Variants in RICTOR observed in about 807,000 individuals in gnomAD.
RICTOR encodes the protein RPTOR independent companion of MTOR complex 2.
A neutral mutation model predicts 214.9 loss-of-function variants in RICTOR; 49 were observed. The observed-to-expected ratio is 0.23, with a 90% confidence interval of 0.18 to 0.29. The LOEUF (loss-of-function observed/expected upper bound fraction) is 0.29, where lower values mean the gene tolerates loss of function less well. Among genes scored for constraint, RICTOR ranks in the 10% least tolerant of loss-of-function variants. RICTOR has a pLI of 1.00. For missense variants in RICTOR, 1,625 were observed against 2,047.0 expected (o/e 0.79, Z 3.98); for synonymous variants, 717 against 711.3 (o/e 1.01, Z -0.13).
chr5:38,939,425 A>G lies in RICTOR; in HGVS notation c.*2879T>C, dbSNP rs1261959336. 1 of 232,302 alleles carries G rather than the reference A, an allele frequency of 4.3e-6. No individual in the cohort carries two copies. The highest frequency in any genetic ancestry group is 2.2e-5 in the African/African-American group (1 of 45,328). 14.4% of individuals were successfully genotyped at this position (232,302 alleles called of 1,614,324 possible). ...TGTCCATATTCTACTAATCGTTATT[A>G]GAAAAAATTTAATTAGGGAGAACAG... On this transcript the variant is annotated 3_prime_UTR_variant, in exon 38 of 38. Coordinates refer to ENST00000357387, the MANE Select transcript of RICTOR (RefSeq NM_152756.5).
rs143428756 is a variant in RICTOR at position 38,980,346 on chromosome 5, A to C, written c.753+1521T>G. Among the ~76,000 whole-genome samples the C allele has an allele frequency of 1.6e-4, 25 of 152,222 alleles. No individual in the cohort carries two copies. In the East Asian group the frequency reaches 4.8e-3, roughly 29 times the overall value. ...TTTATAAAAGACTCCAAGTGATGTTATCTCCCACTAGAGATGGCTTATTCT... is the reference window on the plus strand; with the variant it reads ...TTTATAAAAGACTCCAAGTGATGTTCTCTCCCACTAGAGATGGCTTATTCT... On this transcript the variant is annotated intron_variant, in intron 8 of 37. Coordinates refer to ENST00000357387, the MANE Select transcript of RICTOR (RefSeq NM_152756.5).
At chr5:39,034,083 G>A (rs1016569785) in intron 2 of RICTOR, among the ~76,000 whole-genome samples, 2 of 152,156 alleles carry the variant, frequency 1.3e-5, no homozygotes, top group African/African-American at 2.4e-5. Flanking sequence ...AGTCCTTGCT[G>A]ACAGTTTATC....
intron 2 of RICTOR, chr5:39,022,519 G>C (rs1276948518): frequency 6.5e-6 from 1 of 153,692 alleles, no homozygotes; most frequent in East Asian, 1.9e-4. Context: ...ACCCATGAAG[G>C]GAGTTGGAAA....
intron 2 of RICTOR, among the ~76,000 whole-genome samples, chr5:39,063,424 G>A (rs556305017): frequency 2.0e-5 from 3 of 152,174 alleles, no homozygotes; most frequent in South Asian, 4.1e-4. Context: ...CCAGGAAAAC[G>A]TTCATTCAAA....
At chr5:39,044,604 C>G (rs1757368430) in intron 2 of RICTOR, among the ~76,000 whole-genome samples, 1 of 152,086 alleles carries the variant, frequency 6.6e-6, no homozygotes, top group East Asian at 1.9e-4. Context: ...TCCAAAAACC[C>G]TAACCAAACT....
At chr5:39,048,629 G>A (rs1757650200) in intron 2 of RICTOR, among the ~76,000 whole-genome samples, 1 of 152,078 alleles carries the variant, frequency 6.6e-6, no homozygotes, top group African/African-American at 2.4e-5. Flanking sequence ...TGCTTGTGCT[G>A]GTTTCCCCCA....
At chr5:39,008,850 T>C (rs1754274185) in intron 3 of RICTOR, among the ~76,000 whole-genome samples, 1 of 151,936 alleles carries the variant, frequency 6.6e-6, no homozygotes, top group African/African-American at 2.4e-5. Context: ...TGTGGTACCA[T>C]ACATGAGTAA....
At chr5:38,985,702 T>G (rs1325509231) in intron 7 of RICTOR, among the ~76,000 whole-genome samples, 1 of 151,782 alleles carries the variant, frequency 6.6e-6, no homozygotes, top group Non-Finnish European at 1.5e-5. Flanking sequence ...CAATTCTATT[T>G]TTTTTTTTTT....
rs1554057737 is a variant in RICTOR, at chr5:38,940,130, T to TA, written c.*2173dup. ...ACATACATATTTTTCAAAGTAACAG[T>TA]AAAAAAAAAAAACAAAAAAAAAAAC... On this transcript the variant is annotated 3_prime_UTR_variant, in exon 38 of 38. Coordinates refer to ENST00000357387, the MANE Select transcript of RICTOR (RefSeq NM_152756.5). 0.03 allele frequency: 2,477 copies of TA among 82,690 alleles called. 3 individuals carry two copies. The highest frequency in any genetic ancestry group is 0.035 in the Middle Eastern group (11 of 318). The allele number at this position is 82,690 out of a possible 1,614,324, so 5.1% of individuals were successfully genotyped here. A position where few individuals can be genotyped will look rare whatever the true frequency, so the allele number is the denominator to read the frequency against.
At chr5:39,002,698 C>T (rs373270252) in intron 4 of RICTOR, 32 bp from the exon 5 acceptor site, 3 of 1,575,268 alleles carry the variant, frequency 1.9e-6, no homozygotes, top group African/African-American at 1.4e-5. Context: ...ACAAGTTTTG[C>T]TGCACAGGTT....
At chr5:39,024,287 G>A (rs955838310) in intron 2 of RICTOR, among the ~76,000 whole-genome samples, 5 of 152,138 alleles carry the variant, frequency 3.3e-5, no homozygotes, top group African/African-American at 1.2e-4. Flanking sequence ...GAGACTTCTG[G>A]TTTAGCGTAT....
chr5:38,991,681 A>G (rs1304896494), intron 6 of RICTOR, among the ~76,000 whole-genome samples: 3 of 152,116 alleles, frequency 2.0e-5, no homozygotes, highest in African/African-American at 4.8e-5. Flanking sequence ...TCTATTTTTA[A>G]TATTTCAAAA....
intron 2 of RICTOR, among the ~76,000 whole-genome samples, chr5:39,072,043 G>A (rs1759363299): frequency 6.6e-6 from 1 of 152,082 alleles, no homozygotes; most frequent in Non-Finnish European, 1.5e-5. Context: ...TAAAACAATA[G>A]TATCACTATA....
At chr5:38,968,180 T>TATATACGATGGACC in intron 11 of RICTOR, 150 bp from the exon 12 acceptor site, 1 of 595,106 alleles carries the variant, frequency 1.7e-6, no homozygotes, top group South Asian at 2.1e-5. Flanking sequence ...TGATGGACCA[T>TATATACGATGGACC]ATATACGATG....
intron 7 of RICTOR, among the ~76,000 whole-genome samples, chr5:38,986,006 T>C (rs1234912209): frequency 6.6e-6 from 1 of 152,150 alleles, no homozygotes; most frequent in Non-Finnish European, 1.5e-5. Context: ...CTAGAGTTTA[T>C]TATTTTTAGG....
At chr5:38,967,771 T>C (rs934160946) in intron 12 of RICTOR, among the ~76,000 whole-genome samples, 172 bp downstream of exon 12, 7 of 152,182 alleles carry the variant, frequency 4.6e-5, no homozygotes, top group African/African-American at 1.7e-4. Flanking sequence ...GAAATTAAAA[T>C]TTCTCAGTCT....
At chr5:38,996,740 C>A in intron 6 of RICTOR, 79 bp downstream of exon 6, 1 of 835,704 alleles carries the variant, frequency 1.2e-6, no homozygotes, top group Non-Finnish European at 2.0e-6. Flanking sequence ...ATAAAGATTT[C>A]ACAAAAGTCT....
At chr5:38,966,947 TATGCCATCATGC>T in intron 14 of RICTOR, 1 of 607,288 alleles carries the variant, frequency 1.6e-6, no homozygotes, top group Non-Finnish European at 2.9e-6. Flanking sequence ...ACTACAGGGG[TATGCCATCATGC>T]ATGGCTAATT....
At chr5:38,990,592 T>G in intron 7 of RICTOR, among the ~76,000 whole-genome samples, 1 of 125,714 alleles carries the variant, frequency 8.0e-6, no homozygotes, top group East Asian at 2.2e-4. Context: ...ATACATGATA[T>G]ATACGATATA....
Sources: allele counts gnomAD v4.1 joint callset (sites outside exome capture counted in the v4.1 genomes callset), GRCh38; gene constraint gnomAD v4.1.1; transcripts MANE v1.5; gene names NCBI Gene and HGNC (gene_info 2026-07-23, HGNC 2026-07-21).